The following PTPRZ1 variants were observed in gnomAD, a reference collection of about 807,000 sequenced individuals.
The protein encoded by PTPRZ1 is protein tyrosine phosphatase receptor type Z1, also known as receptor-type tyrosine-protein phosphatase zeta.
In PTPRZ1, 82 loss-of-function variants were observed where a neutral mutation model predicts 214.1. The observed-to-expected ratio is 0.38, with a 90% CI of 0.32 to 0.46. The LOEUF is 0.46. Among genes scored for constraint, PTPRZ1 ranks in the 20% least tolerant of loss-of-function variants. PTPRZ1 has a pLI of 1.00. For missense variants in PTPRZ1, 2,603 were observed against 2,748.7 expected (o/e 0.95, Z 1.19); for synonymous variants, 945 against 987.9 (o/e 0.96, Z 0.81).
At chr7:121,999,544 A>G (rs73440936) in intron 10 of PTPRZ1, among the ~76,000 whole-genome samples, 2,296 of 152,254 alleles carry the variant, frequency 0.015, 52 homozygotes, top group African/African-American at 0.052. Flanking sequence ...TTGAGTATGA[A>G]GTATATTGAA....
intron 1 of PTPRZ1, among the ~76,000 whole-genome samples, chr7:121,905,215 T>C (rs1242778515): frequency 6.6e-6 from 1 of 152,174 alleles, no homozygotes; most frequent in East Asian, 1.9e-4. Context: ...AACACAATGA[T>C]GTCTAAGAAT....
At chr7:121,985,720 T>G (rs1797746729) in intron 8 of PTPRZ1, among the ~76,000 whole-genome samples, 1 of 152,194 alleles carries the variant, frequency 6.6e-6, no homozygotes, top group Non-Finnish European at 1.5e-5. Flanking sequence ...GCCCTGGCAA[T>G]GGCCACAGGA....
intron 10 of PTPRZ1, among the ~76,000 whole-genome samples, chr7:121,999,283 G>A (rs1048486295): frequency 6.6e-6 from 1 of 152,078 alleles, no homozygotes; most frequent in African/African-American, 2.4e-5. Flanking sequence ...TTCAAAATCA[G>A]GTTATTTTTT....
intron 5 of PTPRZ1, 77 bp from the exon 6 acceptor site, chr7:121,976,708 C>A: frequency 1.7e-6 from 2 of 1,152,584 alleles, no homozygotes; most frequent in Non-Finnish European, 2.4e-6. Flanking sequence ...AAATGGAATT[C>A]ATTAATCTTC....
At chr7:121,910,122 T>C (rs949022829) in intron 1 of PTPRZ1, among the ~76,000 whole-genome samples, 9 of 152,216 alleles carry the variant, frequency 5.9e-5, no homozygotes, top group African/African-American at 1.9e-4. Context: ...GCCTTTTTGC[T>C]GTTTTTCCAA....
intron 1 of PTPRZ1, among the ~76,000 whole-genome samples, chr7:121,907,223 T>C (rs1795143111): frequency 6.6e-6 from 1 of 152,128 alleles, no homozygotes; most frequent in Non-Finnish European, 1.5e-5. Flanking sequence ...TTTTATTAAA[T>C]ATGTAGTGAC....
At chr7:122,035,726 C>G (rs1419547822) in intron 17 of PTPRZ1, among the ~76,000 whole-genome samples, 2 of 152,198 alleles carry the variant, frequency 1.3e-5, no homozygotes, top group Non-Finnish European at 2.9e-5. Flanking sequence ...CAGAAGTATT[C>G]ATATCCCAGA....
In PTPRZ1 at chr7:122,051,457, T is replaced by C; in HGVS notation, c.6114T>C (p.Ser2038=). ...TGAGCCAGTCAAATATACAGCAGAGTGACTATTCTGCAGCCCTAAAGCAAT... is the reference window on the plus strand; with the variant it reads ...TGAGCCAGTCAAATATACAGCAGAGCGACTATTCTGCAGCCCTAAAGCAAT... ...QLLSQSNIQQ[S]DYSAALKQCN... is the part of the protein sequence containing the mutation. The change falls in exon 24 of 30, where the codon AGT becomes AGC. Residue 2038 remains serine, a synonymous_variant. Transcript: ENST00000393386. 6.2e-7 allele frequency: 1 copy of C among 1,613,606 alleles called. No individual in the cohort carries two copies. The highest frequency in any genetic ancestry group is 8.5e-7 in the Non-Finnish European group (1 of 1,179,724).
At chr7:121,901,917 A>G (rs1379506267) in intron 1 of PTPRZ1, among the ~76,000 whole-genome samples, 2 of 152,182 alleles carry the variant, frequency 1.3e-5, no homozygotes, top group African/African-American at 4.8e-5. Context: ...TGTTGGCTAT[A>G]GTCACCCTAC....
intron 6 of PTPRZ1, among the ~76,000 whole-genome samples, chr7:121,980,928 G>A (rs1228852754): frequency 6.6e-6 from 1 of 152,080 alleles, no homozygotes; most frequent in Non-Finnish European, 1.5e-5. Flanking sequence ...GGATCACGAG[G>A]TCAGGAGATC....
rs2065997742 is a variant in PTPRZ1 at position 122,012,310 on chromosome 7, C to T, written c.3264C>T (p.Thr1088=). 3.1e-6 allele frequency: 5 copies of T among 1,614,034 alleles called. No individual in the cohort carries two copies. The highest frequency in any genetic ancestry group is 4.2e-6 in the Non-Finnish European group (5 of 1,179,980). ...AGTTGAATGCGTCTTTACAAGAAAC[C>T]TCTGTTTCCATTTCTAGCACCAAGG... The part of the protein sequence containing the change: ...VNKLNASLQE[T]SVSISSTKGM... Residue 1088 remains threonine, a synonymous_variant, in exon 12 of 30, where the codon ACC becomes ACT. Coordinates refer to ENST00000393386, the MANE Select transcript of PTPRZ1 (RefSeq NM_002851.3).
At chr7:121,903,976 A>ACACACG (rs1795045628) in intron 1 of PTPRZ1, among the ~76,000 whole-genome samples, 2 of 151,730 alleles carry the variant, frequency 1.3e-5, no homozygotes, top group African/African-American at 4.8e-5. Flanking sequence ...TCACACACAC[A>ACACACG]CACACACACA....
In PTPRZ1 at chr7:122,039,557, A is replaced by G. The variant is rs1799652387; in HGVS notation, c.5606A>G (p.Asn1869Ser). ...VQVLAYYTVR[N>S]FTLRNTKIKK... ...GTGCTTGCCTATTATACTGTGAGGA[A>G]TTTTACTCTAAGAAACACAAAAATA... The change falls in exon 20 of 30, where the codon AAT (asparagine) becomes AGT (serine). Residue 1869 changes from asparagine (N) to serine (S), a missense_variant. By Grantham distance (46) the Asn-to-Ser change is conservative. Transcript: ENST00000393386. 2 of 1,613,782 alleles carry G rather than the reference A, an allele frequency of 1.2e-6. No individual in the cohort carries two copies. The highest frequency in any genetic ancestry group is 1.7e-6 in the Non-Finnish European group (2 of 1,179,942).
Position 121,944,287 on chromosome 7 carries a change from C to A in PTPRZ1, c.124+16066C>A, listed in dbSNP as rs185286213. ...TCCTTTTTTATAATCTTTGTATTTA[C>A]CTGACTCCAGAAGATCCTGGGTCCT... On this transcript the variant is annotated intron_variant, in intron 2 of 29. Transcript: ENST00000393386. Among the ~76,000 whole-genome samples, 167 of 152,174 alleles carry A rather than the reference C, an allele frequency of 1.1e-3. 1 individual carries two copies. Among genetic ancestry groups the A allele is most frequent in the Admixed American group, 1.8e-3 (28 of 15,300 alleles).
At chr7:121,908,371 AT>A in intron 1 of PTPRZ1, 1 of 320,586 alleles carries the variant, frequency 3.1e-6, no homozygotes, top group Non-Finnish European at 6.0e-6. Context: ...TTGGAAAAGA[AT>A]ATCAACTATA....
chr7:122,049,536 A>G (rs1320831833), intron 23 of PTPRZ1, among the ~76,000 whole-genome samples: 1 of 152,142 alleles, frequency 6.6e-6, no homozygotes, highest in Non-Finnish European at 1.5e-5. Flanking sequence ...GAACCCAATC[A>G]TTAACAAAAA....
chr7:122,044,531 G>A lies in PTPRZ1; in HGVS notation c.6047G>A (p.Gly2016Glu), dbSNP rs1372369648. The A allele has an allele frequency of 6.2e-7, 1 of 1,613,672 alleles. No individual in the cohort carries two copies. Among genetic ancestry groups the A allele is most frequent in the African/African-American group, 1.3e-5 (1 of 74,880 alleles). ...TATGTTAATGCACTCCTCATTCCTGGACCAGCAGGCAAAACAAAGCTAGAG... is the reference window on the plus strand; with the variant it reads ...TATGTTAATGCACTCCTCATTCCTGAACCAGCAGGCAAAACAAAGCTAGAG... ...HAYVNALLIPGPAGKTKLEKQ... is the reference protein window; with the variant it reads ...HAYVNALLIPEPAGKTKLEKQ... Residue 2016 changes from glycine (G) to glutamate (E), a missense_variant, in exon 23 of 30, where the codon GGA becomes GAA. Coordinates refer to ENST00000393386, the MANE Select transcript of PTPRZ1 (RefSeq NM_002851.3).
chr7:121,956,049 G>A (rs1796695028), intron 2 of PTPRZ1, among the ~76,000 whole-genome samples: 4 of 151,708 alleles, frequency 2.6e-5, no homozygotes, highest in Non-Finnish European at 5.9e-5. Flanking sequence ...GGGGTGGTGG[G>A]GAGAGAGCTT....
At chr7:121,899,000 A>G (rs1327302732) in intron 1 of PTPRZ1, among the ~76,000 whole-genome samples, 1 of 152,194 alleles carries the variant, frequency 6.6e-6, no homozygotes, top group East Asian at 1.9e-4. Flanking sequence ...AAAGCCTGAT[A>G]TTATTGCTGT....
Sources: gnomAD v4.1 joint callset for allele counts (sites outside exome capture counted in the v4.1 genomes callset) on GRCh38, gnomAD v4.1.1 for gene constraint, MANE v1.5 for transcripts, NCBI Gene and HGNC (gene_info 2026-07-23, HGNC 2026-07-21) for gene names.